The following CWF19L1 variants were observed in gnomAD, a reference collection of about 807,000 sequenced individuals.
CWF19L1 encodes CWF19-like protein 1.
Under a neutral mutation model 69.7 loss-of-function variants are expected in CWF19L1, and 60 were observed. That is an observed-to-expected ratio of 0.86 (90% CI 0.70 to 1.07). The LOEUF is 1.07. CWF19L1 is among the 50% of genes least tolerant of loss of function. The probability of loss-of-function intolerance (pLI) is 0.00; values close to 1 mark genes in which losing one functional copy is unlikely to be tolerated. For missense variants in CWF19L1, 591 were observed against 638.9 expected (o/e 0.92, Z 0.81); for synonymous variants, 209 against 222.2 (o/e 0.94, Z 0.53).
intron 1 of CWF19L1, among the ~76,000 whole-genome samples, chr10:100,266,530 T>A (rs916091752): frequency 6.6e-6 from 1 of 151,302 alleles, no homozygotes; most frequent in African/African-American, 2.4e-5. Context: ...ATTCCTTTTT[T>A]TTTAGACGGA....
intron 5 of CWF19L1, 59 bp downstream of exon 5, chr10:100,256,203 C>A: frequency 7.6e-7 from 1 of 1,311,824 alleles, no homozygotes; most frequent in Non-Finnish European, 1.1e-6. Context: ...AGAAAAAAGT[C>A]CCAACTCAAG....
At position 100,248,447 on chromosome 10, in the gene CWF19L1, C is replaced by CA. The variant is rs1446778609; in HGVS notation, c.709-1513dup. The CA allele has an allele frequency of 1.9e-5, 13 of 690,208 alleles. No individual in the cohort carries two copies. The African/African-American group carries it at 2.1e-4, about 11-fold the overall frequency. The allele number at this position is 690,208 out of a possible 1,614,324, so 42.8% of individuals were successfully genotyped here. ...CTCACTTTCTCATTCCATGGGTACA[C>CA]AAACCTATTATCTTTGACTGCTGTT... On this transcript the variant is annotated intron_variant, in intron 7 of 13. Coordinates refer to ENST00000354105, the MANE Select transcript of CWF19L1 (RefSeq NM_018294.6).
At chr10:100,237,026 T>C (rs1846463829) in intron 11 of CWF19L1, 57 bp from the exon 12 acceptor site, 3 of 1,535,504 alleles carry the variant, frequency 2.0e-6, no homozygotes, top group Non-Finnish European at 2.6e-6. Flanking sequence ...AAGTTGTGCC[T>C]GCACAGTCTC....
At chr10:100,248,324 C>T (rs780529261) in intron 7 of CWF19L1, 57 of 1,243,600 alleles carry the variant, frequency 4.6e-5, no homozygotes, top group South Asian at 1.7e-4. Flanking sequence ...TTGCAGGAGA[C>T]GTGGTGAACT....
At chr10:100,265,425 A>T (rs1487436178) in intron 1 of CWF19L1, among the ~76,000 whole-genome samples, 1 of 151,790 alleles carries the variant, frequency 6.6e-6, no homozygotes, top group Non-Finnish European at 1.5e-5. Flanking sequence ...ACTCACTCAG[A>T]GAAACTTTCA....
intron 9 of CWF19L1, 85 bp downstream of exon 9, chr10:100,245,713 GC>G: frequency 1.1e-6 from 1 of 926,674 alleles, no homozygotes; most frequent in South Asian, 1.4e-5. Context: ...GCCAGAAGAG[GC>G]TCTCTTAGCA....
Position 100,253,493 on chromosome 10 carries a change from A to G in CWF19L1, c.551T>C (p.Leu184Pro). 1.2e-6 allele frequency: 2 copies of G among 1,614,204 alleles called. No individual in the cohort carries two copies. The highest frequency in any genetic ancestry group is 1.7e-6 in the Non-Finnish European group (2 of 1,180,006). ...GTATCTTGGTTTCAAGCCCGTGGCA[A>G]GACTGGAAACCAAAGCAGAACCACA... ...KKCGSALVSS[L>P]ATGLKPRYHF... The change falls in exon 6 of 14, where the codon CTT becomes CCT. Residue 184 changes from leucine to proline, a missense_variant. By Grantham distance (98) the Leu-to-Pro change is moderately conservative. This residue lies in a region of CWF19L1 where 458 missense variants were observed against 489.3 expected (regional missense o/e 0.94). Coordinates refer to ENST00000354105, the MANE Select transcript of CWF19L1 (RefSeq NM_018294.6).
chr10:100,253,649 TG>T (rs1296656721), intron 5 of CWF19L1, 110 bp from the exon 6 acceptor site: 1 of 674,772 alleles, frequency 1.5e-6, no homozygotes, highest in Admixed American at 2.6e-5. Context: ...AATACAGATG[TG>T]GACAGAAGGA....
At chr10:100,239,464 C>A (rs978216580) in intron 10 of CWF19L1, among the ~76,000 whole-genome samples, 1 of 152,104 alleles carries the variant, frequency 6.6e-6, no homozygotes, top group African/African-American at 2.4e-5. Flanking sequence ...CAAGGTGAAA[C>A]CCCGTCTCTA....
In CWF19L1 at chr10:100,260,180, C is replaced by CA. The variant is rs554223010; in HGVS notation, c.289+37dup. The CA allele has an allele frequency of 1.9e-3, 2,716 of 1,450,060 alleles. 48 individuals carry two copies. In the African/African-American group the frequency reaches 0.035, roughly 19 times the overall value. 89.8% of individuals were successfully genotyped at this position (1,450,060 alleles called of 1,614,324 possible). A position where few individuals can be genotyped will look rare whatever the true frequency, so the allele number is the denominator to read the frequency against. ...AAGACTCCGTCTCAAAAACAAAAAA[C>CA]AAAAAACAAAAAAAAAATACAACAA... On this transcript the variant is annotated intron_variant, in intron 4 of 13. Coordinates refer to ENST00000354105, the MANE Select transcript of CWF19L1 (RefSeq NM_018294.6).
chr10:100,265,272 C>A, intron 1 of CWF19L1, among the ~76,000 whole-genome samples: 1 of 151,810 alleles, frequency 6.6e-6, no homozygotes, highest in African/African-American at 2.4e-5. Context: ...TGTAAAAAAA[C>A]TTAAAGTTTA....
At chr10:100,245,605 G>A (rs1846791062) in intron 9 of CWF19L1, among the ~76,000 whole-genome samples, 194 bp downstream of exon 9, 1 of 152,046 alleles carries the variant, frequency 6.6e-6, no homozygotes, top group Non-Finnish European at 1.5e-5. Flanking sequence ...CATTGCCAGT[G>A]GGAATATAAG....
At chr10:100,233,520 T>C (rs977948689) in intron 13 of CWF19L1, 149 bp from the exon 14 acceptor site, 19 of 666,664 alleles carry the variant, frequency 2.9e-5, no homozygotes, top group Non-Finnish European at 4.3e-5. Flanking sequence ...ATCATACCCG[T>C]TTTAAATGAC....
Position 100,248,382 on chromosome 10 carries a change from C to A in CWF19L1, c.709-1447G>T, listed in dbSNP as rs1055191382. On this transcript the variant is annotated intron_variant, in intron 7 of 13. Coordinates refer to ENST00000354105, the MANE Select transcript of CWF19L1 (RefSeq NM_018294.6). ...TGAGCAAAGAGCTGTCATCTTTGACCGATTCCATGGAGTACAGAACACTGT... is the reference window on the plus strand; with the variant it reads ...TGAGCAAAGAGCTGTCATCTTTGACAGATTCCATGGAGTACAGAACACTGT... The A allele has an allele frequency of 7.5e-6, 6 of 796,808 alleles. No homozygotes were observed. The South Asian group carries it at 8.2e-5, about 11-fold the overall frequency. The allele number at this position is 796,808 out of a possible 1,614,324, so 49.4% of individuals were successfully genotyped here.
At chr10:100,234,601 A>AG (rs1434265592) in intron 13 of CWF19L1, among the ~76,000 whole-genome samples, 9 of 152,204 alleles carry the variant, frequency 5.9e-5, no homozygotes, top group African/African-American at 2.2e-4. Flanking sequence ...GACTTATCTA[A>AG]GGGGGCAATC....
In CWF19L1 at chr10:100,256,315, T is replaced by C; in HGVS notation, c.451A>G (p.Ile151Val). The C allele has an allele frequency of 6.2e-7, 1 of 1,614,194 alleles. No homozygotes were observed. The change falls in exon 5 of 14, where the codon ATC (isoleucine) becomes GTC (valine). Residue 151 changes from isoleucine to valine, a missense_variant. Coordinates refer to ENST00000354105, the MANE Select transcript of CWF19L1 (RefSeq NM_018294.6). Reference sequence around the variant, plus strand: ...TTGGGCCATGGGGATGTGAGCAAGATATCAACACCCTTAAACTGGGAGGTT... The same window carrying C: ...TTGGGCCATGGGGATGTGAGCAAGACATCAACACCCTTAAACTGGGAGGTT... Reference protein sequence around the residue: ...CTTSQFKGVDILLTSPWPKCV... With the variant: ...CTTSQFKGVDVLLTSPWPKCV...
Position 100,235,707 on chromosome 10 carries a change from A to G in CWF19L1, c.1432T>C (p.Phe478Leu), listed in dbSNP as rs1229227789. Residue 478 changes from phenylalanine (F) to leucine (L), a missense_variant, in exon 13 of 14, where the codon TTC becomes CTC. Transcript: ENST00000354105. ...YVELDTGEKLFHRIKKNFPLQ... is the reference protein window; with the variant it reads ...YVELDTGEKLLHRIKKNFPLQ... ...GGAAAATTCTTTTTAATTCTGTGGA[A>G]AAGCTTTTCTCCTGTGTCAAGTTCA... is the stretch of plus-strand genomic sequence containing the variant. The G allele has an allele frequency of 3.7e-6, 6 of 1,612,448 alleles. No homozygotes were observed. Among genetic ancestry groups the G allele is most frequent in the South Asian group, 1.1e-5 (1 of 91,076 alleles).
chr10:100,252,262 T>C (rs1046036391), intron 6 of CWF19L1, among the ~76,000 whole-genome samples: 5 of 152,092 alleles, frequency 3.3e-5, no homozygotes, highest in African/African-American at 1.2e-4. Context: ...GGTGAAACCC[T>C]GTCTCTACTA....
Position 100,261,031 on chromosome 10 carries a change from A to G in CWF19L1, c.122T>C (p.Val41Ala), listed in dbSNP as rs1237099927. Reference sequence around the variant, plus strand: ...TTGGGTGGAGCCAAAGAAATTTCCTACACACAACAGCAGCTAAAATGAGTT... The same window carrying G: ...TTGGGTGGAGCCAAAGAAATTTCCTGCACACAACAGCAGCTAAAATGAGTT... ...KSGNFDLLLC[V>A]GNFFGSTQDA... Residue 41 changes from valine to alanine, a missense_variant, in exon 3 of 14, where the codon GTA becomes GCA. Coordinates refer to ENST00000354105, the MANE Select transcript of CWF19L1 (RefSeq NM_018294.6). 5.0e-6 allele frequency: 8 copies of G among 1,612,252 alleles called. No individual in the cohort carries two copies. The African/African-American group carries it at 1.1e-4, about 22-fold the overall frequency.
Sources: gnomAD v4.1 joint callset for allele counts (sites outside exome capture counted in the v4.1 genomes callset) on GRCh38, gnomAD v4.1.1 for gene constraint, gnomAD v4.1.1 regional missense constraint, MANE v1.5 for transcripts, NCBI Gene and HGNC (gene_info 2026-07-23, HGNC 2026-07-21) for gene names.